TDRD9: variants seen among roughly 807,000 people sequenced by gnomAD.
TDRD9 encodes the protein ATP-dependent RNA helicase TDRD9.
A neutral mutation model predicts 172.6 loss-of-function variants in TDRD9; 124 were observed. The ratio of observed to expected loss-of-function variants is 0.72; its 90% CI spans 0.62 to 0.83. The LOEUF (loss-of-function observed/expected upper bound fraction) is 0.83, where lower values mean the gene tolerates loss of function less well. Ranked by LOEUF, TDRD9 falls within the 40% of genes least tolerant of loss-of-function variation. TDRD9 has a pLI of 0.00. For missense variants in TDRD9, 1,479 were observed against 1,714.1 expected, an observed-to-expected ratio of 0.86 and a Z score of 2.42; for synonymous variants, 619 against 617.1, an observed-to-expected ratio of 1.00 and a Z score of -0.05.
intron 2 of TDRD9, among the ~76,000 whole-genome samples, chr14:103,958,123 AG>A (rs1441480750): frequency 4.6e-5 from 7 of 152,204 alleles, no homozygotes; most frequent in South Asian, 2.1e-4. Flanking sequence ...ATCATTGTAG[AG>A]ATGATCATTT....
chr14:103,962,173 C>T lies in TDRD9; in HGVS notation c.323-906C>T, dbSNP rs111482842. ...AGAGCTCTGTGTCATGTATCCTGAG[C>T]AGAGGCAAGCTGCCTGCTTTCCTGA... On this transcript the variant is annotated intron_variant, in intron 2 of 35. Coordinates refer to ENST00000409874, the MANE Select transcript of TDRD9 (RefSeq NM_153046.3). 3.8e-3 allele frequency among the ~76,000 whole-genome samples: 576 copies of T among 152,268 alleles called. 3 individuals are homozygous for T. Among genetic ancestry groups the T allele is most frequent in the African/African-American group, 0.013 (539 of 41,538 alleles).
intron 15 of TDRD9, 98 bp downstream of exon 15, chr14:104,005,503 C>G: frequency 7.6e-7 from 1 of 1,317,116 alleles, no homozygotes; most frequent in African/African-American, 1.5e-5. Flanking sequence ...AACTCTGATC[C>G]TCCCGCCTCA....
rs567870611 is a variant in TDRD9 at position 104,007,783 on chromosome 14, C to CT, written c.2052+591dup. Among the ~76,000 whole-genome samples, 246 of 142,926 alleles carry CT rather than the reference C, an allele frequency of 1.7e-3. 2 individuals are homozygous for CT. The highest frequency in any genetic ancestry group is 0.013 in the South Asian group (59 of 4,426). 93.8% of individuals were successfully genotyped at this position (142,926 alleles called of 152,430 possible). A position where few individuals can be genotyped will look rare whatever the true frequency, so the allele number is the denominator to read the frequency against. ...CATATATGAGTTAGGTGTTTAAAGT[C>CT]TTTTTTTTTTTTGAGACGGAGTCTC... On this transcript the variant is annotated intron_variant, in intron 19 of 35. Coordinates refer to ENST00000409874, the MANE Select transcript of TDRD9 (RefSeq NM_153046.3).
intron 6 of TDRD9, among the ~76,000 whole-genome samples, chr14:103,973,613 C>G (rs941099396): frequency 2.6e-5 from 4 of 152,202 alleles, no homozygotes; most frequent in Non-Finnish European, 5.9e-5. Context: ...CCTGCTTGCT[C>G]CCTGCATTCC....
intron 4 of TDRD9, 114 bp downstream of exon 4, chr14:103,965,668 T>TTAGTTGTG: frequency 1.0e-6 from 1 of 965,324 alleles, no homozygotes; most frequent in Non-Finnish European, 1.5e-6. Flanking sequence ...CTGCTGAAAA[T>TTAGTTGTG]TAGTTGTGTC....
chr14:104,028,816 T>A (rs1357980272), intron 28 of TDRD9, among the ~76,000 whole-genome samples: 1 of 152,238 alleles, frequency 6.6e-6, no homozygotes, highest in Non-Finnish European at 1.5e-5. Context: ...GTTTTAGGTC[T>A]TACATTTAAG....
rs562171461 is a variant in TDRD9 at position 103,959,157 on chromosome 14, A to T, written c.322+3387A>T. 5.3e-5 allele frequency among the ~76,000 whole-genome samples: 8 copies of T among 152,278 alleles called. No individual in the cohort carries two copies. In the South Asian group the frequency reaches 1.7e-3, roughly 32 times the overall value. On this transcript the variant is annotated intron_variant, in intron 2 of 35. Transcript: ENST00000409874. ...TGAGACTTGATGGTGTCTTTGACAGAGGATGGCAGTGGAGGAGGAGAGCCA... is the reference window on the plus strand; with the variant it reads ...TGAGACTTGATGGTGTCTTTGACAGTGGATGGCAGTGGAGGAGGAGAGCCA...
chr14:104,027,003 T>C, intron 28 of TDRD9, 64 bp downstream of exon 28: 3 of 1,551,576 alleles, frequency 1.9e-6, no homozygotes, highest in Non-Finnish European at 2.6e-6. Flanking sequence ...AGGCTTTCCT[T>C]CCTCTGTGGA....
At chr14:104,027,128 A>G (rs577761171) in intron 28 of TDRD9, among the ~76,000 whole-genome samples, 189 bp downstream of exon 28, 62 of 152,318 alleles carry the variant, frequency 4.1e-4, no homozygotes, top group Non-Finnish European at 4.4e-4. Context: ...AGACTAAAGT[A>G]TGGTGGCTGG....
chr14:103,994,867 C>A (rs1395220528), intron 11 of TDRD9, among the ~76,000 whole-genome samples: 1 of 151,320 alleles, frequency 6.6e-6, no homozygotes, highest in Admixed American at 6.6e-5. Context: ...AGGTGGGAGA[C>A]TTGTGCCTGG....
rs754104913 is a variant in TDRD9, at chr14:104,025,578, A to G, written c.2733A>G (p.Gly911=). The G allele has an allele frequency of 3.3e-5, 53 of 1,613,848 alleles. No individual in the cohort carries two copies. The East Asian group carries it at 1.1e-3, about 35-fold the overall frequency. Residue 911 remains glycine, a synonymous_variant, in exon 26 of 36, where the codon GGA becomes GGG. Transcript: ENST00000409874. ...TIDVTEVVEV[G]HFWGYRIDEN... ...TTCCTTTTTAGGTGGTTGAAGTGGG[A>G]CACTTTTGGGGATACAGGATTGATG...
intron 20 of TDRD9, among the ~76,000 whole-genome samples, chr14:104,011,753 A>G (rs1218426988): frequency 6.6e-6 from 1 of 152,020 alleles, no homozygotes; most frequent in African/African-American, 2.4e-5. Flanking sequence ...GTATTTGTGT[A>G]CTCTCATTGT....
intron 20 of TDRD9, among the ~76,000 whole-genome samples, chr14:104,010,545 T>TA (rs2034581009): frequency 6.7e-6 from 1 of 150,216 alleles, no homozygotes; most frequent in Non-Finnish European, 1.5e-5. Context: ...CTGAGACTGT[T>TA]TTATAATTAA....
intron 32 of TDRD9, among the ~76,000 whole-genome samples, chr14:104,037,377 GA>G (rs1206694463): frequency 6.6e-6 from 1 of 152,210 alleles, no homozygotes; most frequent in Non-Finnish European, 1.5e-5. Context: ...TGCTGCACTA[GA>G]GGCTGTCCTG....
At chr14:103,945,489 C>T (rs960249297) in intron 1 of TDRD9, 1 of 152,198 alleles carries the variant, frequency 6.6e-6, no homozygotes, top group Non-Finnish European at 1.5e-5. Flanking sequence ...TCTTCTACTG[C>T]TGTGTAGATA....
intron 35 of TDRD9, among the ~76,000 whole-genome samples, chr14:104,050,358 G>A (rs2035904172): frequency 6.6e-6 from 1 of 152,176 alleles, no homozygotes; most frequent in Non-Finnish European, 1.5e-5. Context: ...TCGGGCTTCA[G>A]TGAAGGAATT....
intron 13 of TDRD9, among the ~76,000 whole-genome samples, chr14:104,001,215 C>T (rs2034249280): frequency 6.6e-6 from 1 of 152,240 alleles, no homozygotes; most frequent in African/African-American, 2.4e-5. Context: ...TGTGCTGCCC[C>T]CTTGCAGCCA....
At position 104,050,813 on chromosome 14, in the gene TDRD9, T is replaced by C. The variant is rs548360406; in HGVS notation, c.4047+1133T>C. Among the ~76,000 whole-genome samples, 20 of 152,360 alleles carry C rather than the reference T, an allele frequency of 1.3e-4. No individual in the cohort carries two copies. The South Asian group carries it at 3.9e-3, about 30-fold the overall frequency. On this transcript the variant is annotated intron_variant, in intron 35 of 35. Transcript: ENST00000409874. ...CTGAGGGTGACGAACTAGCAGGACT[T>C]TGTTTGAAAACAGAATTTCACTTTG...
chr14:104,037,385 C>T (rs2035483382), intron 32 of TDRD9, among the ~76,000 whole-genome samples: 5 of 152,200 alleles, frequency 3.3e-5, no homozygotes, highest in Non-Finnish European at 1.5e-5. Flanking sequence ...TAGAGGCTGT[C>T]CTGGCCCCCC....
Sources: allele counts gnomAD v4.1 joint callset (sites outside exome capture counted in the v4.1 genomes callset), GRCh38; gene constraint gnomAD v4.1.1; transcripts MANE v1.5; gene names NCBI Gene and HGNC (gene_info 2026-07-23, HGNC 2026-07-21).